The following GHR variants were observed in gnomAD, a reference collection of about 807,000 sequenced individuals.
The protein encoded by GHR is GH receptor.
A neutral mutation model predicts 67.1 loss-of-function variants in GHR; 35 were observed. The ratio of observed to expected loss-of-function variants is 0.52; its 90% CI spans 0.40 to 0.69. The LOEUF is 0.69. Among genes scored for constraint, GHR ranks in the 30% least tolerant of loss-of-function variants. The pLI is 0.00. For synonymous variants in GHR, 272 were observed against 269.1 expected, an observed-to-expected ratio of 1.01 and a Z score of -0.10; for missense variants, 792 against 764.6, an observed-to-expected ratio of 1.04 and a Z score of -0.42.
At chr5:42,612,757 C>A (rs1177422935) in intron 2 of GHR, among the ~76,000 whole-genome samples, 2 of 151,962 alleles carry the variant, frequency 1.3e-5, no homozygotes, top group African/African-American at 4.8e-5. Context: ...TAAAATGGAC[C>A]TTTTCCATTT....
chr5:42,513,257 G>A (rs1466275464), intron 1 of GHR, among the ~76,000 whole-genome samples: 1 of 152,094 alleles, frequency 6.6e-6, no homozygotes, highest in Non-Finnish European at 1.5e-5. Flanking sequence ...GGAGAAAAGT[G>A]CCCTCTCACC....
chr5:42,609,808 C>A (rs1752801430), intron 2 of GHR, among the ~76,000 whole-genome samples: 1 of 152,156 alleles, frequency 6.6e-6, no homozygotes, highest in African/African-American at 2.4e-5. Context: ...ATCTCAAAAT[C>A]CTTTTCTGTA....
chr5:42,541,365 G>T (rs1025739442), intron 1 of GHR, among the ~76,000 whole-genome samples: 1 of 152,132 alleles, frequency 6.6e-6, no homozygotes, highest in African/African-American at 2.4e-5. Flanking sequence ...AGAGGGAATA[G>T]CATATACTAT....
In GHR at chr5:42,440,140, G is replaced by T. The variant is rs75961390; in HGVS notation, c.-12+16185G>T. 2.2e-3 allele frequency among the ~76,000 whole-genome samples: 339 copies of T among 152,300 alleles called. 5 individuals carry two copies. The highest frequency in any genetic ancestry group is 7.7e-3 in the African/African-American group (322 of 41,572). ...GATATTTATTGAACGTTTACACTTT[G>T]CCCAGTGGAGCACTGGACTAGGTGC... On this transcript the variant is annotated intron_variant, in intron 1 of 9. Coordinates refer to ENST00000230882, the MANE Select transcript of GHR (RefSeq NM_000163.5).
rs180714570 is a variant in GHR at position 42,578,099 on chromosome 5, G to A, written c.70+12155G>A. Among the ~76,000 whole-genome samples the A allele has an allele frequency of 4.6e-5, 7 of 152,188 alleles. No individual in the cohort carries two copies. The East Asian group carries it at 5.8e-4, about 13-fold the overall frequency. On this transcript the variant is annotated intron_variant, in intron 2 of 9. Transcript: ENST00000230882. ...GGTTAATTTATCTATGGTGGGAGGC[G>A]TGTCCTGTGCATTGTAGCATATTTA...
At chr5:42,569,737 A>G (rs1188885185) in intron 2 of GHR, among the ~76,000 whole-genome samples, 1 of 152,164 alleles carries the variant, frequency 6.6e-6, no homozygotes, top group East Asian at 1.9e-4. Flanking sequence ...ATATACATAT[A>G]CATGTATATA....
chr5:42,605,814 G>A (rs1029967075), intron 2 of GHR, among the ~76,000 whole-genome samples: 1 of 152,214 alleles, frequency 6.6e-6, no homozygotes, highest in South Asian at 2.1e-4. Flanking sequence ...GACTCCCGGA[G>A]TTCTACTAAT....
chr5:42,665,865 G>A (rs1026511212), intron 3 of GHR, among the ~76,000 whole-genome samples: 1 of 152,112 alleles, frequency 6.6e-6, no homozygotes, highest in South Asian at 2.1e-4. Context: ...CTTGCATGGC[G>A]GCAGAAAAGA....
intron 3 of GHR, among the ~76,000 whole-genome samples, chr5:42,687,841 G>GA (rs1249331428): frequency 1.3e-5 from 2 of 152,076 alleles, no homozygotes; most frequent in African/African-American, 2.4e-5. Flanking sequence ...CATATAAGGA[G>GA]AAAAAAATAA....
chr5:42,610,692 A>G (rs1328585966), intron 2 of GHR, among the ~76,000 whole-genome samples: 1 of 151,728 alleles, frequency 6.6e-6, no homozygotes, highest in Non-Finnish European at 1.5e-5. Flanking sequence ...AGAAGGAATG[A>G]GAAAAGGGAA....
intron 1 of GHR, among the ~76,000 whole-genome samples, chr5:42,544,818 A>G (rs1289323293): frequency 3.3e-5 from 5 of 152,174 alleles, no homozygotes; most frequent in Non-Finnish European, 2.9e-5. Flanking sequence ...CTACAACCTA[A>G]GAGTAGGTTA....
At chr5:42,691,432 T>C (rs935595745) in intron 4 of GHR, among the ~76,000 whole-genome samples, 1 of 152,228 alleles carries the variant, frequency 6.6e-6, no homozygotes, top group Non-Finnish European at 1.5e-5. Context: ...CTGGACTGAT[T>C]AGTGTACAGT....
chr5:42,688,852 C>T (rs778906663), intron 3 of GHR, 38 bp from the exon 4 acceptor site: 74 of 1,604,670 alleles, frequency 4.6e-5, no homozygotes, highest in Non-Finnish European at 6.1e-5. Context: ...ATATGACTCA[C>T]CTGATTTCAT....
chr5:42,663,362 C>T (rs1412145370), intron 3 of GHR, among the ~76,000 whole-genome samples: 9 of 152,236 alleles, frequency 5.9e-5, no homozygotes, highest in East Asian at 1.9e-4. Flanking sequence ...ACTAGCAAAC[C>T]GAATCCAGCA....
intron 2 of GHR, among the ~76,000 whole-genome samples, chr5:42,623,073 A>C (rs921744289): frequency 6.6e-6 from 1 of 152,192 alleles, no homozygotes; most frequent in Non-Finnish European, 1.5e-5. Flanking sequence ...ACTAGCAATA[A>C]TAATAATGAC....
chr5:42,484,760 T>A (rs574636631), intron 1 of GHR, among the ~76,000 whole-genome samples: 1 of 152,208 alleles, frequency 6.6e-6, no homozygotes, highest in Non-Finnish European at 1.5e-5. Context: ...TTTTAAAAGG[T>A]TAATCAAAAG....
At chr5:42,709,688 C>G (rs975088012) in intron 6 of GHR, among the ~76,000 whole-genome samples, 2 of 152,018 alleles carry the variant, frequency 1.3e-5, no homozygotes, top group Admixed American at 6.6e-5. Context: ...TAAATTTGCA[C>G]AATGAAACAT....
chr5:42,623,985 G>C (rs1753578887), intron 2 of GHR, among the ~76,000 whole-genome samples: 1 of 152,152 alleles, frequency 6.6e-6, no homozygotes, highest in African/African-American at 2.4e-5. Flanking sequence ...GACTGAGAAT[G>C]ACACTTCCAT....
intron 1 of GHR, among the ~76,000 whole-genome samples, chr5:42,485,580 G>A (rs1382354369): frequency 2.0e-5 from 3 of 152,170 alleles, no homozygotes; most frequent in African/African-American, 7.2e-5. Flanking sequence ...TGAATATGGT[G>A]ACTTTTGTTC....
Sources: allele counts gnomAD v4.1 joint callset (sites outside exome capture counted in the v4.1 genomes callset), GRCh38; gene constraint gnomAD v4.1.1; transcripts MANE v1.5; gene names NCBI Gene and HGNC (gene_info 2026-07-23, HGNC 2026-07-21).